The following NOS1 variants were observed in gnomAD, a reference collection of about 807,000 sequenced individuals.
NOS1 encodes NOS type I.
In NOS1, 51 loss-of-function variants were observed where a neutral mutation model predicts 164.5. That is an observed-to-expected ratio of 0.31 (90% confidence interval 0.25 to 0.39). The LOEUF is 0.39. NOS1 is among the 10% of genes least tolerant of loss of function. The pLI, the probability that NOS1 is intolerant of heterozygous loss-of-function variation, is 1.00. For synonymous variants in NOS1, 719 were observed against 745.8 expected, an observed-to-expected ratio of 0.96 and a Z score of 0.59; for missense variants, 1,362 against 1,885.6, an observed-to-expected ratio of 0.72 and a Z score of 5.14.
intron 16 of NOS1, among the ~76,000 whole-genome samples, chr12:117,257,803 CTT>C (rs34828673): frequency 1.7e-4 from 21 of 120,480 alleles, no homozygotes; most frequent in African/African-American, 2.2e-4. Context: ...TTACACAGTG[CTT>C]TTTTTTTTTT....
chr12:117,317,824 T>C (rs1242927618), intron 2 of NOS1, among the ~76,000 whole-genome samples: 1 of 151,994 alleles, frequency 6.6e-6, no homozygotes, highest in Non-Finnish European at 1.5e-5. Flanking sequence ...GTGGTCACAT[T>C]TGGTGGTTCT....
intron 1 of NOS1, among the ~76,000 whole-genome samples, chr12:117,361,181 G>T (rs1400843547): frequency 2.8e-5 from 4 of 145,164 alleles, no homozygotes; most frequent in African/African-American, 9.9e-5. Context: ...GCACCCGCCC[G>T]CCCGCCTCGT....
At chr12:117,254,659 A>G (rs1008137425) in intron 16 of NOS1, among the ~76,000 whole-genome samples, 1 of 151,986 alleles carries the variant, frequency 6.6e-6, no homozygotes, top group African/African-American at 2.4e-5. Context: ...TGGTTGGTAC[A>G]CTGCAAACCT....
chr12:117,209,939 G>T lies in NOS1; in HGVS notation c.*5370C>A. On this transcript the variant is annotated 3_prime_UTR_variant, in exon 29 of 29. Transcript: ENST00000317775. Reference sequence around the variant, plus strand: ...GCAGGCCCCTTCCCTCAGACCCTCAGACCTGTGTTTCCTTAATCCCAGCAC... The same window carrying T: ...GCAGGCCCCTTCCCTCAGACCCTCATACCTGTGTTTCCTTAATCCCAGCAC... 1.0e-6 allele frequency: 1 copy of T among 985,506 alleles called. No homozygotes were observed. Among genetic ancestry groups the T allele is most frequent in the Non-Finnish European group, 1.2e-6 (1 of 830,018 alleles). 61.0% of individuals were successfully genotyped at this position (985,506 alleles called of 1,614,324 possible).
At chr12:117,359,876 T>TATATATATATATATA in intron 1 of NOS1, among the ~76,000 whole-genome samples, 2 of 36,962 alleles carry the variant, frequency 5.4e-5, no homozygotes, top group East Asian at 6.7e-4. Flanking sequence ...AATAATGGTT[T>TATATATATATATATA]TATATATATA....
intron 3 of NOS1, among the ~76,000 whole-genome samples, chr12:117,305,863 C>T (rs1874117686): frequency 6.6e-6 from 1 of 151,144 alleles, no homozygotes; most frequent in Non-Finnish European, 1.5e-5. Context: ...GCAGTCTCGG[C>T]TCACTGAAAC....
chr12:117,275,442 C>A (rs7138586), intron 9 of NOS1, among the ~76,000 whole-genome samples: 126,466 of 151,922 alleles, frequency 0.83, 52,763 homozygotes, highest in African/African-American at 0.9. Context: ...GTAGAAGCTA[C>A]AAAAAAAGTT....
intron 3 of NOS1, among the ~76,000 whole-genome samples, chr12:117,304,552 A>G (rs1041035848): frequency 4.6e-5 from 7 of 152,204 alleles, no homozygotes; most frequent in African/African-American, 1.7e-4. Flanking sequence ...CTACCCCAGA[A>G]CTACGCACAC....
intron 22 of NOS1, among the ~76,000 whole-genome samples, chr12:117,230,812 A>T (rs1403942698): frequency 6.6e-6 from 1 of 152,220 alleles, no homozygotes; most frequent in African/African-American, 2.4e-5. Flanking sequence ...TTGCAGCCAC[A>T]TGGATGGAAC....
At chr12:117,345,916 G>A (rs1876328105) in intron 1 of NOS1, among the ~76,000 whole-genome samples, 1 of 152,242 alleles carries the variant, frequency 6.6e-6, no homozygotes, top group African/African-American at 2.4e-5. Flanking sequence ...GCACATAATA[G>A]GTACTCAGTG....
chr12:117,302,030 T>C, intron 3 of NOS1: 2 of 456,724 alleles, frequency 4.4e-6, no homozygotes, highest in South Asian at 3.1e-5. Flanking sequence ...TATGTGACCC[T>C]CGTTGAGCAC....
chr12:117,270,305 A>G (rs1301671281), intron 10 of NOS1, among the ~76,000 whole-genome samples: 1 of 152,174 alleles, frequency 6.6e-6, no homozygotes, highest in Non-Finnish European at 1.5e-5. Context: ...ACGTTTGTAC[A>G]TAATGACAGG....
In NOS1 at chr12:117,211,148, A is replaced by G; in HGVS notation, c.*4161T>C. ...ATTTTTGTATTTTCTTAGTAGAGTC[A>G]GGGTTTCTACTAACTGGCTGACTGG... On this transcript the variant is annotated 3_prime_UTR_variant, in exon 29 of 29. Transcript: ENST00000317775. The G allele has an allele frequency of 1.5e-6, 1 of 683,326 alleles. No homozygotes were observed. The highest frequency in any genetic ancestry group is 1.8e-6 in the Non-Finnish European group (1 of 554,426). The allele number at this position is 683,326 out of a possible 1,614,324, so 42.3% of individuals were successfully genotyped here.
intron 1 of NOS1, among the ~76,000 whole-genome samples, chr12:117,353,064 CTACCTATCTACCTACT>C (rs1876700320): frequency 6.6e-6 from 1 of 152,122 alleles, no homozygotes; most frequent in South Asian, 2.1e-4. Context: ...ACCCACCTAC[CTACCTATCTACCTACT>C]TACCTATCTA....
intron 20 of NOS1, among the ~76,000 whole-genome samples, chr12:117,241,380 C>T (rs1156309902): frequency 1.3e-5 from 2 of 151,446 alleles, no homozygotes; most frequent in East Asian, 2.0e-4. Flanking sequence ...CTTGGTTCAC[C>T]GGGTTACCCA....
At chr12:117,228,097 GAA>G (rs1370241800) in intron 22 of NOS1, among the ~76,000 whole-genome samples, 3 of 151,318 alleles carry the variant, frequency 2.0e-5, no homozygotes, top group Admixed American at 2.0e-4. Flanking sequence ...AGGAAAGAAA[GAA>G]AAAGAGAGAG....
Position 117,331,383 on chromosome 12 carries a change from G to T in NOS1, c.-314C>A. 1 of 376,872 alleles carries T rather than the reference G, an allele frequency of 2.7e-6. No individual in the cohort carries two copies. The highest frequency in any genetic ancestry group is 4.1e-5 in the South Asian group (1 of 24,510). The allele number at this position is 376,872 out of a possible 1,614,324, so 23.3% of individuals were successfully genotyped here. ...AGGTCAGGCAGAAAGGGGAGGAGAT[G>T]CGTCTGATGGCTGTGTCTAGAAGTG... On this transcript the variant is annotated 5_prime_UTR_variant, in exon 2 of 29. Coordinates refer to ENST00000317775, the MANE Select transcript of NOS1 (RefSeq NM_000620.5).
chr12:117,280,788 G>A lies in NOS1; in HGVS notation c.1461C>T (p.Tyr487=), dbSNP rs9658362. The A allele has an allele frequency of 1.6e-3, 2,506 of 1,614,184 alleles. 22 individuals are homozygous for A. The African/African-American group carries it at 0.027, about 18-fold the overall frequency. Residue 487 remains tyrosine (Y), a synonymous_variant, in exon 8 of 29, where the codon TAC becomes TAT. Coordinates refer to ENST00000317775, the MANE Select transcript of NOS1 (RefSeq NM_000620.5). ...FRVWNSQLIR[Y]AGYKQPDGST... is the part of the protein sequence containing the mutation. The stretch of plus-strand genomic sequence containing the variant: ...AGCCGTCAGGCTGCTTGTAGCCAGC[G>A]TAGCGGATGAGCTGGGAGTTCCAGA...
At chr12:117,242,325 G>A (rs1398056027) in intron 20 of NOS1, among the ~76,000 whole-genome samples, 1 of 152,222 alleles carries the variant, frequency 6.6e-6, no homozygotes, top group East Asian at 1.9e-4. Flanking sequence ...CTAAGATGCT[G>A]TGGTACAACG....
Sources: gnomAD v4.1 joint callset for allele counts (sites outside exome capture counted in the v4.1 genomes callset) on GRCh38, gnomAD v4.1.1 for gene constraint, MANE v1.5 for transcripts, NCBI Gene and HGNC (gene_info 2026-07-23, HGNC 2026-07-21) for gene names.